MAP3K13: variants seen among roughly 807,000 people sequenced by gnomAD.
MAP3K13 encodes the protein mitogen-activated protein kinase kinase kinase 13, also known as leucine zipper-bearing kinase.
In MAP3K13, 52 loss-of-function variants were observed where a neutral mutation model predicts 104.0. The ratio of observed to expected loss-of-function variants is 0.50; its 90% CI spans 0.40 to 0.63. The LOEUF is 0.63. Ranked by LOEUF, MAP3K13 falls within the 20% of genes least tolerant of loss-of-function variation. The pLI is 0.00. For synonymous variants in MAP3K13, 394 were observed against 442.2 expected, an observed-to-expected ratio of 0.89 and a Z score of 1.37; for missense variants, 914 against 1,218.5, an observed-to-expected ratio of 0.75 and a Z score of 3.72.
intron 1 of MAP3K13, among the ~76,000 whole-genome samples, chr3:185,364,701 T>G (rs1723789338): frequency 6.6e-6 from 1 of 152,194 alleles, no homozygotes; most frequent in Non-Finnish European, 1.5e-5. Flanking sequence ...CGTCAATCAT[T>G]TTGTATTTCT....
In MAP3K13 at chr3:185,308,363, CTT is replaced by C. The variant is rs968859695; in HGVS notation, c.-86+22723_-86+22724del. ...GTGTTCCTACAAGCTGCCTAGGTCTCTTTTGTTCTCAGCAGTTCCCAGGCATG... is the reference window on the plus strand; with the variant it reads ...GTGTTCCTACAAGCTGCCTAGGTCTCTTGTTCTCAGCAGTTCCCAGGCATG... On this transcript the variant is annotated intron_variant, in intron 2 of 14. Transcript: ENST00000424227. Among the ~76,000 whole-genome samples, 9 of 152,250 alleles carry C rather than the reference CTT, an allele frequency of 5.9e-5. No homozygotes were observed. In the South Asian group the frequency reaches 1.0e-3, roughly 18 times the overall value.
At chr3:185,354,054 C>T (rs551718871) in intron 2 of MAP3K13, among the ~76,000 whole-genome samples, 10 of 152,260 alleles carry the variant, frequency 6.6e-5, no homozygotes, top group African/African-American at 1.9e-4. Flanking sequence ...CCTTCACAAG[C>T]GTGCCAACTT....
At chr3:185,469,135 G>A (rs1216302005) in intron 10 of MAP3K13, among the ~76,000 whole-genome samples, 2 of 152,198 alleles carry the variant, frequency 1.3e-5, no homozygotes, top group East Asian at 1.9e-4. Context: ...ATTACCTAGT[G>A]AGAAGTCTGG....
chr3:185,434,724 CTG>C (rs1714926525), intron 2 of MAP3K13, among the ~76,000 whole-genome samples: 2 of 152,138 alleles, frequency 1.3e-5, no homozygotes. Context: ...CACATAAAAT[CTG>C]TGTTTTTCTG....
chr3:185,400,771 C>G (rs1315314397), intron 1 of MAP3K13, among the ~76,000 whole-genome samples: 1 of 149,730 alleles, frequency 6.7e-6, no homozygotes, highest in Non-Finnish European at 1.5e-5. Context: ...TATTATCTTT[C>G]TAAGAATGAT....
chr3:185,468,625 A>G (rs1259200138), intron 10 of MAP3K13, among the ~76,000 whole-genome samples: 1 of 152,260 alleles, frequency 6.6e-6, no homozygotes, highest in Non-Finnish European at 1.5e-5. Flanking sequence ...CAAACCAAGA[A>G]TGTATTATGA....
intron 2 of MAP3K13, among the ~76,000 whole-genome samples, chr3:185,348,731 A>T (rs192217759): frequency 2.6e-5 from 4 of 152,310 alleles, no homozygotes; most frequent in Admixed American, 1.3e-4. Context: ...ATCCTGGCCA[A>T]CATGGTGAAA....
chr3:185,387,272 C>A (rs913049513), intron 1 of MAP3K13, among the ~76,000 whole-genome samples: 2 of 152,098 alleles, frequency 1.3e-5, no homozygotes, highest in African/African-American at 4.8e-5. Context: ...TAATGCTCTT[C>A]CTTTCGGATC....
At chr3:185,366,632 A>AGTTGGTT (rs1723901893) in intron 1 of MAP3K13, among the ~76,000 whole-genome samples, 1 of 152,190 alleles carries the variant, frequency 6.6e-6, no homozygotes, top group South Asian at 2.1e-4. Flanking sequence ...AACCATCTTA[A>AGTTGGTT]CAAGTTTGAA....
At chr3:185,347,830 G>A (rs1722989070) in intron 2 of MAP3K13, among the ~76,000 whole-genome samples, 1 of 152,042 alleles carries the variant, frequency 6.6e-6, no homozygotes, top group Admixed American at 6.6e-5. Flanking sequence ...CCAACATGGT[G>A]AAACCCTGTC....
At chr3:185,314,668 G>A (rs771675245) in intron 2 of MAP3K13, among the ~76,000 whole-genome samples, 1 of 151,836 alleles carries the variant, frequency 6.6e-6, no homozygotes, top group Non-Finnish European at 1.5e-5. Context: ...ACCCAAGCTG[G>A]AGTACAGTGC....
At chr3:185,449,015 T>C (rs1052141287) in intron 5 of MAP3K13, among the ~76,000 whole-genome samples, 5 of 152,228 alleles carry the variant, frequency 3.3e-5, no homozygotes, top group African/African-American at 1.2e-4. Flanking sequence ...CAGTGTCAGA[T>C]TTTGAAAATA....
chr3:185,329,173 T>C (rs1416656457), intron 2 of MAP3K13: 3 of 702,332 alleles, frequency 4.3e-6, no homozygotes, highest in Non-Finnish European at 7.8e-6. Flanking sequence ...AGTGTGCTGC[T>C]AAAACAGGTC....
At chr3:185,386,985 G>A (rs891735720) in intron 1 of MAP3K13, among the ~76,000 whole-genome samples, 4 of 152,130 alleles carry the variant, frequency 2.6e-5, no homozygotes, top group Non-Finnish European at 5.9e-5. Flanking sequence ...GGGATGATGT[G>A]TGCAGCAAAC....
intron 2 of MAP3K13, among the ~76,000 whole-genome samples, chr3:185,331,607 G>A (rs1261724611): frequency 6.6e-6 from 1 of 152,122 alleles, no homozygotes; most frequent in African/African-American, 2.4e-5. Context: ...TGCTTGACAT[G>A]TAGTAGACAC....
At chr3:185,285,545 C>T in exon 2 of MAP3K13, 3 of 1,383,848 alleles carry the variant, frequency 2.2e-6, no homozygotes, top group Non-Finnish European at 3.0e-6. Flanking sequence ...TCTATGGACT[C>T]TAAAATGGAC....
At chr3:185,442,818 C>T (rs1370304796) in intron 3 of MAP3K13, among the ~76,000 whole-genome samples, 1 of 151,818 alleles carries the variant, frequency 6.6e-6, no homozygotes, top group Non-Finnish European at 1.5e-5. Context: ...CAAGCGTGAG[C>T]CACCGCGGCC....
At chr3:185,421,583 T>C (rs1172693706) in intron 1 of MAP3K13, among the ~76,000 whole-genome samples, 1 of 152,216 alleles carries the variant, frequency 6.6e-6, no homozygotes, top group Non-Finnish European at 1.5e-5. Flanking sequence ...CCTTTGACTC[T>C]CAACATTCAA....
At chr3:185,384,575 T>C (rs1198408828) in intron 1 of MAP3K13, among the ~76,000 whole-genome samples, 1 of 152,174 alleles carries the variant, frequency 6.6e-6, no homozygotes, top group South Asian at 2.1e-4. Flanking sequence ...TTATTGATGT[T>C]CCCACCAACA....
Sources: allele counts gnomAD v4.1 joint callset (sites outside exome capture counted in the v4.1 genomes callset), GRCh38; gene constraint gnomAD v4.1.1; transcripts MANE v1.5; gene names NCBI Gene and HGNC (gene_info 2026-07-23, HGNC 2026-07-21).